Variants in LSAMP observed in about 807,000 individuals in gnomAD.
The protein encoded by LSAMP is limbic system associated membrane protein.
A neutral mutation model predicts 38.6 loss-of-function variants in LSAMP; 7 were observed. That is an observed-to-expected ratio of 0.18 (90% CI 0.10 to 0.34). The LOEUF (loss-of-function observed/expected upper bound fraction) is 0.34, where lower values mean the gene tolerates loss of function less well. Among genes scored for constraint, LSAMP ranks in the 10% least tolerant of loss-of-function variants. LSAMP has a pLI of 1.00. For missense variants in LSAMP, 313 were observed against 420.0 expected (o/e 0.75, Z 2.23); for synonymous variants, 154 against 166.8 (o/e 0.92, Z 0.59).
At chr3:116,075,455 T>C (rs1707719022) in intron 2 of LSAMP, among the ~76,000 whole-genome samples, 1 of 151,698 alleles carries the variant, frequency 6.6e-6, no homozygotes, top group Non-Finnish European at 1.5e-5. Flanking sequence ...TTCTTAAAAA[T>C]TGTCTTCATT....
intron 2 of LSAMP, among the ~76,000 whole-genome samples, chr3:116,071,309 AGGTTATCCTCTT>A (rs1707600970): frequency 6.6e-6 from 1 of 150,714 alleles, no homozygotes; most frequent in Non-Finnish European, 1.5e-5. Flanking sequence ...GTTTTCTGAA[AGGTTATCCTCTT>A]AATAATCATG....
chr3:115,955,194 A>C (rs1005179014), intron 3 of LSAMP, among the ~76,000 whole-genome samples: 8 of 152,068 alleles, frequency 5.3e-5, no homozygotes, highest in Non-Finnish European at 1.2e-4. Flanking sequence ...TCGGCCTCCC[A>C]AAGTGCTGGG....
intron 3 of LSAMP, among the ~76,000 whole-genome samples, chr3:115,980,623 A>T (rs572921912): frequency 3.6e-4 from 55 of 152,292 alleles, no homozygotes; most frequent in African/African-American, 1.3e-3. Flanking sequence ...ATTTTGGAAC[A>T]CTTAGATACC....
At chr3:116,374,289 A>G (rs1363005712) in intron 1 of LSAMP, among the ~76,000 whole-genome samples, 1 of 151,950 alleles carries the variant, frequency 6.6e-6, no homozygotes, top group African/African-American at 2.4e-5. Flanking sequence ...TACAAGAAGA[A>G]GGTGTTCTTA....
At chr3:116,027,523 T>C (rs1018997688) in intron 2 of LSAMP, among the ~76,000 whole-genome samples, 4 of 152,136 alleles carry the variant, frequency 2.6e-5, no homozygotes, top group Admixed American at 2.6e-4. Context: ...AATCAAAGAA[T>C]CCTAATTTTT....
intron 6 of LSAMP, among the ~76,000 whole-genome samples, chr3:115,821,365 C>T (rs965800711): frequency 6.6e-6 from 1 of 152,206 alleles, no homozygotes; most frequent in East Asian, 1.9e-4. Context: ...ACGTTTAGTG[C>T]TTTCAGTCTT....
intron 1 of LSAMP, among the ~76,000 whole-genome samples, chr3:116,375,722 T>A (rs924704165): frequency 1.3e-5 from 2 of 149,864 alleles, no homozygotes; most frequent in African/African-American, 4.8e-5. Context: ...ATAAAAATCA[T>A]CCTGAAATTA....
intron 3 of LSAMP, among the ~76,000 whole-genome samples, chr3:115,974,205 A>T (rs1206014745): frequency 1.3e-5 from 2 of 151,936 alleles, no homozygotes; most frequent in African/African-American, 4.8e-5. Context: ...TTAGCCAGGC[A>T]TGATGGCAGG....
At chr3:115,892,180 T>G (rs1261930334) in intron 3 of LSAMP, among the ~76,000 whole-genome samples, 1 of 151,924 alleles carries the variant, frequency 6.6e-6, no homozygotes, top group Non-Finnish European at 1.5e-5. Flanking sequence ...CTTGGGAAAA[T>G]TATTTGGTAG....
At chr3:115,839,288 T>TCCTTCCTTCCTC in intron 6 of LSAMP, among the ~76,000 whole-genome samples, 1 of 131,270 alleles carries the variant, frequency 7.6e-6, no homozygotes, top group South Asian at 2.5e-4. Context: ...CTTCCTTCCT[T>TCCTTCCTTCCTC]CCTTCCTTCC....
intron 1 of LSAMP, among the ~76,000 whole-genome samples, chr3:116,268,511 C>T (rs186912247): frequency 5.3e-5 from 8 of 152,196 alleles, no homozygotes; most frequent in Admixed American, 4.6e-4. Context: ...AGATGTGAAT[C>T]TGTAGGCTCA....
At chr3:116,125,782 T>G (rs565571942) in intron 1 of LSAMP, among the ~76,000 whole-genome samples, 18 of 152,244 alleles carry the variant, frequency 1.2e-4, no homozygotes, top group African/African-American at 4.3e-4. Flanking sequence ...AGAGTGTACA[T>G]GATGGTATTT....
intron 1 of LSAMP, among the ~76,000 whole-genome samples, chr3:116,163,423 G>T (rs1249663997): frequency 5.9e-5 from 9 of 151,556 alleles, no homozygotes; most frequent in African/African-American, 7.3e-5. Flanking sequence ...TTTTATGGCT[G>T]CATAGTATTC....
At chr3:115,972,951 CA>C (rs1239784963) in intron 3 of LSAMP, among the ~76,000 whole-genome samples, 2 of 151,040 alleles carry the variant, frequency 1.3e-5, no homozygotes, top group Admixed American at 1.3e-4. Flanking sequence ...AAAGGCTTCA[CA>C]AAGAAGAGTG....
At chr3:116,419,607 G>A (rs2049095994) in intron 1 of LSAMP, among the ~76,000 whole-genome samples, 1 of 152,144 alleles carries the variant, frequency 6.6e-6, no homozygotes, top group Non-Finnish European at 1.5e-5. Flanking sequence ...CTTATTTGGG[G>A]TAAAGCAGTA....
At chr3:115,966,988 G>T (rs1005890523) in intron 3 of LSAMP, among the ~76,000 whole-genome samples, 8 of 152,192 alleles carry the variant, frequency 5.3e-5, no homozygotes, top group Non-Finnish European at 1.2e-4. Context: ...TAAAGATATA[G>T]GTAAGGTTCT....
At chr3:116,404,124 C>G (rs927359403) in intron 1 of LSAMP, among the ~76,000 whole-genome samples, 1 of 151,968 alleles carries the variant, frequency 6.6e-6, no homozygotes, top group Non-Finnish European at 1.5e-5. Context: ...AAAATAAAAA[C>G]AAATCATGGT....
intron 1 of LSAMP, among the ~76,000 whole-genome samples, chr3:116,237,555 G>T (rs1470168425): frequency 1.3e-5 from 2 of 152,164 alleles, no homozygotes; most frequent in Non-Finnish European, 2.9e-5. Context: ...CAATAATACA[G>T]AGATACTGTT....
intron 1 of LSAMP, among the ~76,000 whole-genome samples, chr3:116,320,543 T>C (rs775197315): frequency 2.0e-5 from 3 of 152,202 alleles, no homozygotes; most frequent in Admixed American, 1.3e-4. Flanking sequence ...CCTAGGGTGT[T>C]GTACCATATA....
Sources: allele counts gnomAD v4.1 joint callset (sites outside exome capture counted in the v4.1 genomes callset), GRCh38; gene constraint gnomAD v4.1.1; transcripts MANE v1.5; gene names NCBI Gene and HGNC (gene_info 2026-07-23, HGNC 2026-07-21).